Variants in SYN1 observed in about 807,000 individuals in gnomAD.
SYN1 encodes the protein synapsin I, also known as synapsin-1.
A neutral mutation model predicts 44.6 loss-of-function variants in SYN1; 8 were observed. The ratio of observed to expected loss-of-function variants is 0.18; its 90% confidence interval spans 0.11 to 0.32. The LOEUF is 0.32. SYN1 is among the 10% of genes least tolerant of loss of function. The pLI, the probability that SYN1 is intolerant of heterozygous loss-of-function variation, is 1.00. For missense variants in SYN1, 451 were observed against 639.4 expected, an observed-to-expected ratio of 0.71 and a Z score of 3.18; for synonymous variants, 275 against 280.1, an observed-to-expected ratio of 0.98 and a Z score of 0.18.
chrX:47,587,994 T>C (rs1285279498), intron 5 of SYN1, among the ~76,000 whole-genome samples: 3 of 111,777 alleles, frequency 2.7e-5, no homozygotes, highest in Non-Finnish European at 5.6e-5. Flanking sequence ...CAGGGCATTC[T>C]AGGTCACCAA....
intron 5 of SYN1, chrX:47,604,672 A>T: frequency 3.4e-6 from 1 of 295,534 alleles, no homozygotes; most frequent in Middle Eastern, 1.0e-3. Flanking sequence ...TAATTTCTAT[A>T]TGTAATATAT....
At chrX:47,607,362 G>A (rs1236005730) in intron 1 of SYN1, among the ~76,000 whole-genome samples, 164 bp from the exon 2 acceptor site, 2 of 111,740 alleles carry the variant, frequency 1.8e-5, no homozygotes, top group African/African-American at 6.5e-5. Flanking sequence ...TGTGAATAAT[G>A]TCTGTTGTAA....
In SYN1 at chrX:47,574,511, C is replaced by A; in HGVS notation, c.1473G>T (p.Gln491His). 1 of 1,080,063 alleles carries A rather than the reference C, an allele frequency of 9.3e-7. No homozygotes were observed. The highest frequency in any genetic ancestry group is 1.2e-6 in the Non-Finnish European group (1 of 836,176). The allele number at this position is 1,080,063 out of a possible 1,213,427, so 89.0% of individuals were successfully genotyped here. A position where few individuals can be genotyped will look rare whatever the true frequency, so the allele number is the denominator to read the frequency against. The change falls in exon 12 of 13, where the codon CAG (glutamine) becomes CAT (histidine). Residue 491 changes from glutamine (Q) to histidine (H), a missense_variant. By Grantham distance (24) the Gln-to-His change is conservative (BLOSUM62 0). Coordinates refer to ENST00000295987, the MANE Select transcript of SYN1 (RefSeq NM_006950.3). ...CTGGGGGTCCAAGGCCTGAAAGGTGCTGCTGGCCCTGCGGGGGCGGGCGCT... is the reference window on the plus strand; with the variant it reads ...CTGGGGGTCCAAGGCCTGAAAGGTGATGCTGGCCCTGCGGGGGCGGGCGCT... ...LQQRPPPQGQ[Q>H]HLSGLGPPAG...
At chrX:47,618,949 G>A (rs2057938841) in intron 1 of SYN1, among the ~76,000 whole-genome samples, 1 of 111,115 alleles carries the variant, frequency 9.0e-6, no homozygotes, top group Non-Finnish European at 1.9e-5. Flanking sequence ...TTGGGGAAGG[G>A]CTCTTGGATG....
intron 5 of SYN1, among the ~76,000 whole-genome samples, chrX:47,604,510 C>T (rs1394392736): frequency 9.0e-6 from 1 of 111,048 alleles, no homozygotes; most frequent in African/African-American, 3.3e-5. Context: ...CTCAGCCTCT[C>T]AAAGTGCTGG....
intron 5 of SYN1, chrX:47,585,911 A>C: frequency 8.9e-7 from 1 of 1,118,823 alleles, no homozygotes; most frequent in Non-Finnish European, 1.2e-6. Context: ...GGTCCCTCTA[A>C]TTCTCCCTTG....
chrX:47,608,289 AGGGGAAGGAAGGAAGG>A (rs2057905905), intron 1 of SYN1, among the ~76,000 whole-genome samples: 2 of 6,029 alleles, frequency 3.3e-4, no homozygotes, highest in Non-Finnish European at 9.6e-4. Context: ...GAAGGAAGGA[AGGGGAAGGAAGGAAGG>A]GGAAGGAAGG....
Position 47,574,063 on chromosome X carries a change from T to C in SYN1, c.1921A>G (p.Ser641Gly). 8.7e-7 allele frequency: 1 copy of C among 1,150,939 alleles called. No individual in the cohort carries two copies. The allele number at this position is 1,150,939 out of a possible 1,213,427, so 94.9% of individuals were successfully genotyped here. A position where few individuals can be genotyped will look rare whatever the true frequency, so the allele number is the denominator to read the frequency against. ...RPKPQLAQKPSQDVPPPATAA... is the reference protein window; with the variant it reads ...RPKPQLAQKPGQDVPPPATAA... Reference sequence around the variant, plus strand: ...GTGGCGGGTGGCGGCACGTCCTGGCTGGGTTTCTGGGCCAGCTGTGGTTTG... The same window carrying C: ...GTGGCGGGTGGCGGCACGTCCTGGCCGGGTTTCTGGGCCAGCTGTGGTTTG... Residue 641 changes from serine to glycine, a missense_variant, in exon 12 of 13, where the codon AGC becomes GGC. Around this residue, in one of 3 missense-constraint regions of SYN1, gnomAD observed 127 missense variants for 154.8 expected, o/e 0.82. Coordinates refer to ENST00000295987, the MANE Select transcript of SYN1 (RefSeq NM_006950.3).
chrX:47,577,711 T>C (rs2057782422), intron 5 of SYN1, among the ~76,000 whole-genome samples: 1 of 110,801 alleles, frequency 9.0e-6, no homozygotes, highest in Non-Finnish European at 1.9e-5. Flanking sequence ...TGTCTGTCTG[T>C]CCCTCACTCC....
chrX:47,576,315 G>C lies in SYN1; in HGVS notation c.1055+17C>G, dbSNP rs2057777497. On this transcript the variant is annotated intron_variant, in intron 8 of 12. Coordinates refer to ENST00000295987, the MANE Select transcript of SYN1 (RefSeq NM_006950.3). The stretch of plus-strand genomic sequence containing the variant: ...CCACCCCCGCTTCCCCTCACACCCT[G>C]AGTTCGGGCTGCCCACCTGTCAGAC... 1 of 1,209,530 alleles carries C rather than the reference G, an allele frequency of 8.3e-7. No individual in the cohort carries two copies. Among genetic ancestry groups the C allele is most frequent in the African/African-American group, 1.7e-5 (1 of 57,309 alleles).
At chrX:47,580,811 G>A (rs767152307) in intron 5 of SYN1, among the ~76,000 whole-genome samples, 3 of 109,598 alleles carry the variant, frequency 2.7e-5, no homozygotes, top group South Asian at 8.0e-4. Flanking sequence ...TGGTGTGGCT[G>A]TAATCCCAGC....
intron 5 of SYN1, among the ~76,000 whole-genome samples, chrX:47,593,967 A>G (rs923293880): frequency 1.3e-4 from 15 of 112,370 alleles, no homozygotes; most frequent in African/African-American, 4.9e-4. Flanking sequence ...GTGGTGGCTC[A>G]TGCCTGTAAT....
intron 5 of SYN1, among the ~76,000 whole-genome samples, 198 bp from the exon 6 acceptor site, chrX:47,577,699 C>T (rs776387119): frequency 8.1e-5 from 9 of 110,850 alleles, no homozygotes; most frequent in Non-Finnish European, 1.5e-4. Context: ...AACCCAGAGC[C>T]CTGTCTGTCT....
In SYN1 at chrX:47,598,886, T is replaced by C. The variant is rs184690074; in HGVS notation, c.774+6092A>G. On this transcript the variant is annotated intron_variant, in intron 5 of 12. Transcript: ENST00000295987. ...AAAACTAAAAATTAGCTGAGCATGA[T>C]AGCACATGCCTGTGGTCCCAGCTAT... Among the ~76,000 whole-genome samples, 407 of 110,256 alleles carry C rather than the reference T, an allele frequency of 3.7e-3. 2 individuals are homozygous for C. The highest frequency in any genetic ancestry group is 5.0e-3 in the Non-Finnish European group (266 of 52,766).
intron 5 of SYN1, among the ~76,000 whole-genome samples, chrX:47,579,933 C>T (rs2057791265): frequency 1.1e-5 from 1 of 91,709 alleles, no homozygotes; most frequent in Admixed American, 1.5e-4. Flanking sequence ...CCTTTTGTGT[C>T]TAAGTTTCCT....
chrX:47,612,324 T>TGAAGC (rs2057918800), intron 1 of SYN1, among the ~76,000 whole-genome samples: 1 of 110,262 alleles, frequency 9.1e-6, no homozygotes, highest in African/African-American at 3.3e-5. Flanking sequence ...AAGTTCCCAT[T>TGAAGC]ATAAGCTGGG....
At chrX:47,583,631 A>C in intron 5 of SYN1, 3 of 972,859 alleles carry the variant, frequency 3.1e-6, no homozygotes, top group Non-Finnish European at 2.7e-6. Context: ...GAATGATTCC[A>C]CTCGCCCCTG....
chrX:47,580,684 C>T (rs1484434234), intron 5 of SYN1, among the ~76,000 whole-genome samples: 1 of 108,741 alleles, frequency 9.2e-6, no homozygotes, highest in Non-Finnish European at 1.9e-5. Flanking sequence ...GCCTGTAATC[C>T]CAACACTTTG....
intron 5 of SYN1, among the ~76,000 whole-genome samples, chrX:47,597,380 A>G: frequency 9.0e-6 from 1 of 110,558 alleles, no homozygotes; most frequent in Non-Finnish European, 1.9e-5. Flanking sequence ...AAGCATAATA[A>G]CTGAAATGAA....
Sources: gnomAD v4.1 joint callset for allele counts (sites outside exome capture counted in the v4.1 genomes callset) on GRCh38, gnomAD v4.1.1 for gene constraint, gnomAD v4.1.1 regional missense constraint, MANE v1.5 for transcripts, NCBI Gene and HGNC (gene_info 2026-07-23, HGNC 2026-07-21) for gene names.